KATNIP: variants seen among roughly 807,000 people sequenced by gnomAD.
The protein encoded by KATNIP is katanin interacting protein.
A neutral mutation model predicts 174.0 loss-of-function variants in KATNIP; 126 were observed. That is an observed-to-expected ratio of 0.72 (90% CI 0.63 to 0.84). The LOEUF (loss-of-function observed/expected upper bound fraction) is 0.84, where lower values mean the gene tolerates loss of function less well. KATNIP is among the 40% of genes least tolerant of loss of function. The pLI is 0.00. For synonymous variants in KATNIP, 810 were observed against 835.7 expected (o/e 0.97, Z 0.53); for missense variants, 1,958 against 2,109.7 (o/e 0.93, Z 1.41).
At chr16:27,706,907 C>T (rs980499564) in intron 12 of KATNIP, among the ~76,000 whole-genome samples, 6 of 152,234 alleles carry the variant, frequency 3.9e-5, no homozygotes, top group African/African-American at 1.4e-4. Context: ...TTAGCTTTAT[C>T]ACTGTCCTGC....
intron 1 of KATNIP, among the ~76,000 whole-genome samples, chr16:27,560,254 C>T (rs952112995): frequency 3.4e-5 from 5 of 148,500 alleles, no homozygotes; most frequent in Non-Finnish European, 7.4e-5. Context: ...TGCAGTCCAG[C>T]CTGGGCTATA....
intron 13 of KATNIP, chr16:27,709,277 T>C: frequency 5.1e-6 from 1 of 197,134 alleles, no homozygotes; most frequent in Non-Finnish European, 1.0e-5. Context: ...GCTGTGACTG[T>C]ACCACTGTAC....
chr16:27,592,256 C>T (rs111615901), intron 2 of KATNIP, among the ~76,000 whole-genome samples: 19 of 136,932 alleles, frequency 1.4e-4, no homozygotes, highest in African/African-American at 5.2e-4. Context: ...GAGGTAAGAG[C>T]TTTGCATATA....
intron 20 of KATNIP, 124 bp downstream of exon 20, chr16:27,766,598 C>A: frequency 1.0e-6 from 1 of 981,662 alleles, no homozygotes; most frequent in Non-Finnish European, 1.5e-6. Flanking sequence ...GAGCTGGGGG[C>A]GTTATGTCCA....
intron 2 of KATNIP, among the ~76,000 whole-genome samples, chr16:27,613,104 C>T (rs1027189176): frequency 6.6e-6 from 1 of 151,162 alleles, no homozygotes; most frequent in Non-Finnish European, 1.5e-5. Context: ...ACAAAAAATA[C>T]AAAAAAAGAA....
intron 6 of KATNIP, among the ~76,000 whole-genome samples, chr16:27,652,582 G>T (rs2077151820): frequency 6.6e-6 from 1 of 152,118 alleles, no homozygotes; most frequent in African/African-American, 2.4e-5. Context: ...CACTTTGGGA[G>T]GTGAAGGGTC....
At chr16:27,758,566 G>T (rs1439162436) in intron 18 of KATNIP, among the ~76,000 whole-genome samples, 1 of 152,104 alleles carries the variant, frequency 6.6e-6, no homozygotes, top group Non-Finnish European at 1.5e-5. Context: ...GAAAATCCAG[G>T]CTTCTCGATA....
At position 27,740,348 on chromosome 16, in the gene KATNIP, C is replaced by A. The variant is rs144244281; in HGVS notation, c.2051C>A (p.Ser684Tyr). 2.0e-4 allele frequency: 327 copies of A among 1,614,216 alleles called. No homozygotes were observed. In the African/African-American group the frequency reaches 4.1e-3, roughly 20 times the overall value. The change falls in exon 15 of 28, where the codon TCT (serine) becomes TAT (tyrosine). Residue 684 changes from serine to tyrosine, a missense_variant. Ser to Tyr is a moderately radical substitution (Grantham distance 144, BLOSUM62 -2). Transcript: ENST00000261588. Reference protein sequence around the residue: ...QGNVSGKRKNSTNCRKDSLSQ... With the variant: ...QGNVSGKRKNYTNCRKDSLSQ... ...AATGTGTCTGGCAAAAGAAAGAATT[C>A]TACTAATTGCAGGAAAGACAGTTTG...
chr16:27,702,117 G>A (rs1013778276), intron 11 of KATNIP, among the ~76,000 whole-genome samples: 56 of 152,140 alleles, frequency 3.7e-4, no homozygotes, highest in African/African-American at 1.4e-3. Flanking sequence ...ACTATACTCT[G>A]TCTCCCCCAC....
chr16:27,599,828 G>A (rs1444649876), intron 2 of KATNIP, among the ~76,000 whole-genome samples: 5 of 152,250 alleles, frequency 3.3e-5, no homozygotes, highest in South Asian at 2.1e-4. Context: ...TGGTCCATCC[G>A]CCTCAGTCCC....
intron 4 of KATNIP, among the ~76,000 whole-genome samples, chr16:27,629,626 T>C (rs549780559): frequency 6.6e-6 from 1 of 152,276 alleles, no homozygotes; most frequent in African/African-American, 2.4e-5. Flanking sequence ...GGAAAATGAT[T>C]GGGCAGTTGA....
At chr16:27,668,605 A>G (rs1035753539) in intron 6 of KATNIP, among the ~76,000 whole-genome samples, 11 of 152,208 alleles carry the variant, frequency 7.2e-5, no homozygotes, top group African/African-American at 2.4e-4. Flanking sequence ...TCATTCCTCC[A>G]TACCCTGGGT....
chr16:27,643,429 A>AGT (rs1208659823), intron 5 of KATNIP: 2 of 152,156 alleles, frequency 1.3e-5, no homozygotes, highest in East Asian at 3.8e-4. Flanking sequence ...CGTCTCTACT[A>AGT]AAAGTACAAA....
intron 1 of KATNIP, among the ~76,000 whole-genome samples, chr16:27,552,556 A>C (rs993759853): frequency 6.7e-6 from 1 of 148,836 alleles, no homozygotes; most frequent in Non-Finnish European, 1.5e-5. Context: ...TTTTATTTTT[A>C]GTAGACATGG....
intron 11 of KATNIP, among the ~76,000 whole-genome samples, chr16:27,703,266 G>A (rs2079169803): frequency 1.3e-5 from 2 of 152,278 alleles, no homozygotes; most frequent in African/African-American, 4.8e-5. Context: ...CAAATGCTTG[G>A]TTCCTCGGCA....
At chr16:27,658,571 A>G (rs2077369815) in intron 6 of KATNIP, among the ~76,000 whole-genome samples, 2 of 152,222 alleles carry the variant, frequency 1.3e-5, no homozygotes, top group Admixed American at 1.3e-4. Context: ...CAACAAAAAT[A>G]CAGAGTTTCA....
chr16:27,648,572 C>T (rs1171661862), intron 5 of KATNIP, 32 bp from the exon 6 acceptor site: 2 of 1,613,224 alleles, frequency 1.2e-6, no homozygotes, highest in Non-Finnish European at 1.7e-6. Flanking sequence ...CCTCATTCCA[C>T]CTTATCTGAA....
intron 5 of KATNIP, among the ~76,000 whole-genome samples, chr16:27,635,146 G>C (rs1424590280): frequency 2.0e-5 from 3 of 152,218 alleles, no homozygotes; most frequent in African/African-American, 7.2e-5. Flanking sequence ...TTAAACAAAA[G>C]CCTTAATGAT....
intron 18 of KATNIP, chr16:27,755,686 T>C (rs1314218180): frequency 1.3e-5 from 2 of 152,306 alleles, no homozygotes; most frequent in Non-Finnish European, 2.9e-5. Context: ...CAGGCTGGAA[T>C]GCAGTGGCAT....
Sources: gnomAD v4.1 joint callset for allele counts (sites outside exome capture counted in the v4.1 genomes callset) on GRCh38, gnomAD v4.1.1 for gene constraint, MANE v1.5 for transcripts, NCBI Gene and HGNC (gene_info 2026-07-23, HGNC 2026-07-21) for gene names.